DEGS2: variants seen among roughly 807,000 people sequenced by gnomAD.
The protein encoded by DEGS2 is sphingolipid delta(4)-desaturase/C4-monooxygenase DES2.
A neutral mutation model predicts 23.8 loss-of-function variants in DEGS2; 19 were observed. That is an observed-to-expected ratio of 0.80 (90% CI 0.56 to 1.17). The LOEUF is 1.17. Ranked by LOEUF, DEGS2 falls within the 50% of genes most tolerant of loss-of-function variation. The probability of loss-of-function intolerance (pLI) is 0.00; values close to 1 mark genes in which losing one functional copy is unlikely to be tolerated. For synonymous variants in DEGS2, 218 were observed against 213.7 expected, an observed-to-expected ratio of 1.02 and a Z score of -0.18; for missense variants, 390 against 459.5, an observed-to-expected ratio of 0.85 and a Z score of 1.38.
upstream of DEGS2, among the ~76,000 whole-genome samples, chr14:100,161,532 AT>A (rs762600077): frequency 6.6e-6 from 1 of 152,030 alleles, no homozygotes; most frequent in East Asian, 1.9e-4. Flanking sequence ...CAGAAAATAC[AT>A]TTTCGTTTGT....
intron 1 of DEGS2, among the ~76,000 whole-genome samples, chr14:100,158,423 G>T (rs1005198290): frequency 6.6e-6 from 1 of 151,968 alleles, no homozygotes; most frequent in Non-Finnish European, 1.5e-5. Flanking sequence ...TTAGCCGGGT[G>T]TGGTGGCAGG....
chr14:100,153,252 C>CAGATAGATAGATAGAT (rs61183768), intron 1 of DEGS2, among the ~76,000 whole-genome samples: 20 of 147,552 alleles, frequency 1.4e-4, no homozygotes, highest in South Asian at 6.6e-4. Flanking sequence ...ATGGCAAAAA[C>CAGATAGATAGATAGAT]AGATAGATAG....
chr14:100,158,559 A>T (rs935430526), intron 1 of DEGS2, among the ~76,000 whole-genome samples: 3 of 152,248 alleles, frequency 2.0e-5, no homozygotes, highest in East Asian at 1.9e-4. Flanking sequence ...TAAATTAAAT[A>T]AAACGCCCGA....
chr14:100,160,786 C>A (rs1457636925), upstream of DEGS2, among the ~76,000 whole-genome samples: 1 of 152,212 alleles, frequency 6.6e-6, no homozygotes, highest in Non-Finnish European at 1.5e-5. Context: ...CTGAGTGAGC[C>A]AGGAAGGAAG....
At chr14:100,157,017 T>C (rs1357208305) in intron 1 of DEGS2, among the ~76,000 whole-genome samples, 1 of 152,166 alleles carries the variant, frequency 6.6e-6, no homozygotes, top group Non-Finnish European at 1.5e-5. Flanking sequence ...TTCCAAGTCT[T>C]TCAACCTTCC....
chr14:100,155,950 G>A (rs986848605), intron 1 of DEGS2, among the ~76,000 whole-genome samples: 14 of 152,112 alleles, frequency 9.2e-5, no homozygotes, highest in Middle Eastern at 3.4e-3. Flanking sequence ...CGCTGGCTCC[G>A]GTCCTGCCCT....
At chr14:100,155,757 C>A (rs1234211945) in intron 1 of DEGS2, 1 of 152,172 alleles carries the variant, frequency 6.6e-6, no homozygotes. Context: ...AGCAGTTTCG[C>A]TTCCGGGATT....
At chr14:100,152,872 C>T (rs1181544091) in intron 1 of DEGS2, among the ~76,000 whole-genome samples, 2 of 150,136 alleles carry the variant, frequency 1.3e-5, no homozygotes, top group African/African-American at 4.9e-5. Flanking sequence ...CTAATAAATC[C>T]CCTCTTCGAA....
In DEGS2 at chr14:100,146,728, G is replaced by A. The variant is rs374172054; in HGVS notation, c.*33C>T. On this transcript the variant is annotated 3_prime_UTR_variant, in exon 3 of 3. Transcript: ENST00000305631. ...GGTGCAAGGCTGAGGGGCCGATGGGGGACAATGGCCACCACCAGGAGGCAG... is the reference window on the plus strand; with the variant it reads ...GGTGCAAGGCTGAGGGGCCGATGGGAGACAATGGCCACCACCAGGAGGCAG... The A allele has an allele frequency of 1.1e-5, 18 of 1,608,874 alleles. No individual in the cohort carries two copies. The highest frequency in any genetic ancestry group is 1.4e-5 in the Non-Finnish European group (17 of 1,177,476).
chr14:100,166,628 C>T, the DEGS2 span, among the ~76,000 whole-genome samples: 1 of 152,086 alleles, frequency 6.6e-6, no homozygotes, highest in African/African-American at 2.4e-5. Flanking sequence ...TCAAAGCAGC[C>T]TCAAAAATAC....
upstream of DEGS2, among the ~76,000 whole-genome samples, chr14:100,162,648 T>C (rs1566744780): frequency 6.6e-6 from 1 of 152,172 alleles, no homozygotes; most frequent in African/African-American, 2.4e-5. Context: ...GCAGGGACTC[T>C]TTGGACTGGA....
Position 100,143,958 on chromosome 14 carries a change from C to G in DEGS2, c.*2803G>C. Reference sequence around the variant, plus strand: ...CCTGACACGGAACACCAGGTCTGCTCGTCTTTTTTGTGTTTTATATTTGCT... The same window carrying G: ...CCTGACACGGAACACCAGGTCTGCTGGTCTTTTTTGTGTTTTATATTTGCT... On this transcript the variant is annotated 3_prime_UTR_variant, in exon 3 of 3. Coordinates refer to ENST00000305631, the MANE Select transcript of DEGS2 (RefSeq NM_206918.3). 1 of 551,838 alleles carries G rather than the reference C, an allele frequency of 1.8e-6. No homozygotes were observed. Among genetic ancestry groups the G allele is most frequent in the Non-Finnish European group, 3.2e-6 (1 of 313,124 alleles). The allele number at this position is 551,838 out of a possible 1,614,324, so 34.2% of individuals were successfully genotyped here.
chr14:100,157,707 G>A (rs2140425655), intron 1 of DEGS2, among the ~76,000 whole-genome samples: 1 of 152,310 alleles, frequency 6.6e-6, no homozygotes, highest in East Asian at 1.9e-4. Context: ...TGCAGTCACA[G>A]GCTAGCCACC....
At chr14:100,159,143 G>A (rs1354700647) in intron 1 of DEGS2, among the ~76,000 whole-genome samples, 2 of 151,872 alleles carry the variant, frequency 1.3e-5, no homozygotes, top group Non-Finnish European at 2.9e-5. Context: ...TCCGCGCCAG[G>A]GAGCGCGTGC....
upstream of DEGS2, among the ~76,000 whole-genome samples, chr14:100,163,902 G>GT (rs1407712149): frequency 9.2e-5 from 14 of 151,506 alleles, no homozygotes; most frequent in African/African-American, 1.7e-4. Flanking sequence ...TTCTTTTGGG[G>GT]TTTTTTTTGC....
intron 1 of DEGS2, among the ~76,000 whole-genome samples, chr14:100,158,801 G>C (rs562144673): frequency 6.6e-6 from 1 of 152,190 alleles, no homozygotes; most frequent in Non-Finnish European, 1.5e-5. Context: ...ACGACTCACC[G>C]GGGCCACCTT....
chr14:100,162,871 T>C (rs1302942326), upstream of DEGS2, among the ~76,000 whole-genome samples: 1 of 152,162 alleles, frequency 6.6e-6, no homozygotes, highest in Non-Finnish European at 1.5e-5. Flanking sequence ...AGCTGCCCCA[T>C]GCAAAAAGGC....
rs771031208 is a variant in DEGS2, at chr14:100,159,642, T to C, written c.-55A>G. ...GGCCGGCTCGGCTCTGCTGCACCTG[T>C]CGCGGCGGCCGCGGCGCGGAACCAG... On this transcript the variant is annotated 5_prime_UTR_variant, in exon 1 of 3. Transcript: ENST00000305631. The C allele has an allele frequency of 1.7e-3, 1,436 of 838,148 alleles. No homozygotes were observed. The highest frequency in any genetic ancestry group is 2.1e-3 in the Non-Finnish European group (1,305 of 635,272). 51.9% of individuals were successfully genotyped at this position (838,148 alleles called of 1,614,324 possible).
rs1221520458 is a variant in DEGS2, at chr14:100,159,632, G to A, written c.-45C>T. On this transcript the variant is annotated 5_prime_UTR_variant, in exon 1 of 3. Transcript: ENST00000305631. ...TTCGGAGCGCGGCCGGCTCGGCTCTGCTGCACCTGTCGCGGCGGCCGCGGC... is the reference window on the plus strand; with the variant it reads ...TTCGGAGCGCGGCCGGCTCGGCTCTACTGCACCTGTCGCGGCGGCCGCGGC... 2.9e-6 allele frequency: 4 copies of A among 1,371,424 alleles called. No homozygotes were observed. The highest frequency in any genetic ancestry group is 2.9e-5 in the South Asian group (2 of 68,370). The allele number at this position is 1,371,424 out of a possible 1,614,324, so 85.0% of individuals were successfully genotyped here.
Sources: gnomAD v4.1 joint callset for allele counts (sites outside exome capture counted in the v4.1 genomes callset) on GRCh38, gnomAD v4.1.1 for gene constraint, MANE v1.5 for transcripts, NCBI Gene and HGNC (gene_info 2026-07-23, HGNC 2026-07-21) for gene names.